RABGAP1L: variants seen among roughly 807,000 people sequenced by gnomAD.
RABGAP1L encodes rab GTPase-activating protein 1-like.
RABGAP1L carries 63 observed loss-of-function variants against 137.7 expected under a neutral mutation model. The ratio of observed to expected loss-of-function variants is 0.46; its 90% CI spans 0.37 to 0.56. RABGAP1L has a LOEUF of 0.56. Among genes scored for constraint, RABGAP1L ranks in the 20% least tolerant of loss-of-function variants. The probability of loss-of-function intolerance (pLI) is 0.00; values close to 1 mark genes in which losing one functional copy is unlikely to be tolerated. For missense variants in RABGAP1L, 1,095 were observed against 1,244.0 expected (o/e 0.88, Z 1.80); for synonymous variants, 431 against 433.7 (o/e 0.99, Z 0.08).
intron 13 of RABGAP1L, among the ~76,000 whole-genome samples, chr1:174,531,206 T>C (rs1246978741): frequency 6.9e-6 from 1 of 144,334 alleles, no homozygotes; most frequent in Non-Finnish European, 1.5e-5. Context: ...TAATACAGGT[T>C]AGTTATAACA....
At chr1:174,350,052 T>C (rs1682965518) in intron 11 of RABGAP1L, among the ~76,000 whole-genome samples, 1 of 110,332 alleles carries the variant, frequency 9.1e-6, no homozygotes, top group Non-Finnish European at 1.9e-5. Flanking sequence ...GAGGCGCCCC[T>C]CACCTCCCGG....
At chr1:174,979,805 TC>T (rs1309862859) in intron 23 of RABGAP1L, among the ~76,000 whole-genome samples, 2 of 152,302 alleles carry the variant, frequency 1.3e-5, no homozygotes, top group East Asian at 3.9e-4. Flanking sequence ...TTCCTGTCCT[TC>T]CTGTTGGCTG....
At chr1:174,518,807 G>T (rs752194503) in intron 13 of RABGAP1L, among the ~76,000 whole-genome samples, 4 of 152,106 alleles carry the variant, frequency 2.6e-5, no homozygotes, top group African/African-American at 4.8e-5. Context: ...CACTTCCGGC[G>T]TACAAATGAT....
At chr1:174,545,967 T>G (rs1665974394) in intron 13 of RABGAP1L, 1 of 152,192 alleles carries the variant, frequency 6.6e-6, no homozygotes, top group South Asian at 2.1e-4. Context: ...TGGCATCTAT[T>G]TTAGCATTAA....
At chr1:174,702,552 G>A (rs1375625734) in intron 17 of RABGAP1L, among the ~76,000 whole-genome samples, 1 of 152,024 alleles carries the variant, frequency 6.6e-6, no homozygotes, top group Non-Finnish European at 1.5e-5. Flanking sequence ...AGTATAAAAT[G>A]CCTTTAAGGT....
chr1:174,923,428 T>C (rs955602398), intron 19 of RABGAP1L, among the ~76,000 whole-genome samples: 11 of 152,160 alleles, frequency 7.2e-5, no homozygotes, highest in African/African-American at 2.7e-4. Context: ...TTACCATTTT[T>C]CAAAAACAAT....
intron 13 of RABGAP1L, among the ~76,000 whole-genome samples, chr1:174,532,253 G>C (rs946489043): frequency 6.6e-6 from 1 of 151,374 alleles, no homozygotes; most frequent in African/African-American, 2.4e-5. Flanking sequence ...CTGTCACCCA[G>C]GCTGGAGTGC....
intron 18 of RABGAP1L, among the ~76,000 whole-genome samples, chr1:174,799,701 C>T (rs972220162): frequency 6.6e-6 from 1 of 151,696 alleles, no homozygotes; most frequent in Non-Finnish European, 1.5e-5. Flanking sequence ...ATTCACCTAC[C>T]TCCTCCTCTT....
intron 20 of RABGAP1L, among the ~76,000 whole-genome samples, chr1:174,968,519 TTTTG>T (rs1156549319): frequency 2.5e-4 from 38 of 152,132 alleles, no homozygotes; most frequent in African/African-American, 5.1e-4. Context: ...TTTTCTTTCT[TTTTG>T]TTTGTTTGTT....
chr1:174,172,133 A>G (rs904642463), intron 1 of RABGAP1L, among the ~76,000 whole-genome samples: 3 of 147,670 alleles, frequency 2.0e-5, no homozygotes, highest in Admixed American at 6.7e-5. Flanking sequence ...GTTTCAAATG[A>G]CAGTATCTCC....
intron 14 of RABGAP1L, among the ~76,000 whole-genome samples, chr1:174,656,745 T>C (rs1279502421): frequency 1.3e-5 from 2 of 152,240 alleles, no homozygotes; most frequent in African/African-American, 4.8e-5. Context: ...TTTGTATTCT[T>C]TGTCATGTCT....
At chr1:174,321,881 C>CAAA (rs1347810495) in intron 11 of RABGAP1L, among the ~76,000 whole-genome samples, 7 of 152,024 alleles carry the variant, frequency 4.6e-5, no homozygotes, top group Non-Finnish European at 8.8e-5. Flanking sequence ...TGATTATTTA[C>CAAA]CATTTGTATA....
At chr1:174,384,654 A>C (rs547905415) in intron 12 of RABGAP1L, among the ~76,000 whole-genome samples, 1 of 151,996 alleles carries the variant, frequency 6.6e-6, no homozygotes, top group South Asian at 2.1e-4. Context: ...TGTAATATTT[A>C]TTATAGGTAA....
At chr1:174,775,470 C>T (rs1340853701) in intron 18 of RABGAP1L, among the ~76,000 whole-genome samples, 4 of 152,134 alleles carry the variant, frequency 2.6e-5, no homozygotes, top group African/African-American at 4.8e-5. Flanking sequence ...GACTCCACCA[C>T]GCCTGGCTAA....
At chr1:174,878,194 ATTGAGT>A (rs1348889477) in intron 19 of RABGAP1L, among the ~76,000 whole-genome samples, 2 of 152,106 alleles carry the variant, frequency 1.3e-5, no homozygotes, top group African/African-American at 4.8e-5. Flanking sequence ...TATAATGGCT[ATTGAGT>A]TTAAGATATC....
intron 7 of RABGAP1L, among the ~76,000 whole-genome samples, chr1:174,264,943 A>G (rs1027126177): frequency 1.3e-5 from 2 of 152,190 alleles, no homozygotes; most frequent in African/African-American, 4.8e-5. Flanking sequence ...TACTTTTGCT[A>G]TAAATTTTCT....
At chr1:174,643,171 A>T (rs1280511437) in intron 14 of RABGAP1L, among the ~76,000 whole-genome samples, 2 of 151,960 alleles carry the variant, frequency 1.3e-5, no homozygotes, top group Non-Finnish European at 2.9e-5. Context: ...TTGGAATCGG[A>T]TGGATTCCAG....
At chr1:174,888,676 T>G (rs1045306275) in intron 19 of RABGAP1L, among the ~76,000 whole-genome samples, 2 of 152,064 alleles carry the variant, frequency 1.3e-5, no homozygotes, top group African/African-American at 4.8e-5. Context: ...TTGTATTTTT[T>G]TAGTAGAGAT....
Position 174,827,209 on chromosome 1 carries a change from A to G in RABGAP1L, c.2340+15249A>G, listed in dbSNP as rs975848974. Among the ~76,000 whole-genome samples, 6 of 151,998 alleles carry G rather than the reference A, an allele frequency of 3.9e-5. No homozygotes were observed. In the South Asian group the frequency reaches 1.2e-3, roughly 32 times the overall value. Reference sequence around the variant, plus strand: ...TGTGCAGTGGCTAGTCACAGGTGTGATTATAGCTCACTGCAATCTTGAACT... The same window carrying G: ...TGTGCAGTGGCTAGTCACAGGTGTGGTTATAGCTCACTGCAATCTTGAACT... On this transcript the variant is annotated intron_variant, in intron 19 of 25. Coordinates refer to ENST00000681986, the MANE Select transcript of RABGAP1L (RefSeq NM_001366446.1).
Sources: gnomAD v4.1 joint callset for allele counts (sites outside exome capture counted in the v4.1 genomes callset) on GRCh38, gnomAD v4.1.1 for gene constraint, MANE v1.5 for transcripts, NCBI Gene and HGNC (gene_info 2026-07-23, HGNC 2026-07-21) for gene names.